CCDC91: variants seen among roughly 807,000 people sequenced by gnomAD.
CCDC91 encodes the protein coiled-coil domain-containing protein 91.
A neutral mutation model predicts 63.2 loss-of-function variants in CCDC91; 48 were observed. That is an observed-to-expected ratio of 0.76 (90% CI 0.60 to 0.97). The LOEUF (loss-of-function observed/expected upper bound fraction) is 0.97. Ranked by LOEUF, CCDC91 falls within the 50% of genes least tolerant of loss-of-function variation. The pLI, the probability that CCDC91 is intolerant of heterozygous loss-of-function variation, is 0.00. For synonymous variants in CCDC91, 167 were observed against 165.8 expected, an observed-to-expected ratio of 1.01 and a Z score of -0.06; for missense variants, 500 against 494.6, an observed-to-expected ratio of 1.01 and a Z score of -0.10.
intron 8 of CCDC91, among the ~76,000 whole-genome samples, chr12:28,434,412 T>G (rs1187006117): frequency 6.6e-6 from 1 of 151,634 alleles, no homozygotes; most frequent in East Asian, 1.9e-4. Flanking sequence ...ATTGATTACA[T>G]TAGTTGATTT....
At chr12:28,491,017 G>A (rs773069842) in intron 12 of CCDC91, among the ~76,000 whole-genome samples, 40 of 151,740 alleles carry the variant, frequency 2.6e-4, no homozygotes, top group East Asian at 1.2e-3. Context: ...TATAAAATAC[G>A]TTTTAACTTA....
chr12:28,386,360 A>C (rs1046543035), intron 7 of CCDC91, among the ~76,000 whole-genome samples: 11 of 152,208 alleles, frequency 7.2e-5, no homozygotes, highest in African/African-American at 2.6e-4. Context: ...TTAACACTTT[A>C]AAAATTATTC....
intron 1 of CCDC91, among the ~76,000 whole-genome samples, chr12:28,219,792 A>G (rs574697664): frequency 6.6e-6 from 1 of 152,038 alleles, no homozygotes; most frequent in Non-Finnish European, 1.5e-5. Context: ...ACCATTTTTA[A>G]GTGTACAGTT....
chr12:28,304,395 A>AAG (rs1565764774), intron 3 of CCDC91, among the ~76,000 whole-genome samples: 101 of 122,756 alleles, frequency 8.2e-4, no homozygotes, highest in African/African-American at 2.7e-3. Context: ...AAAAAAAAAA[A>AAG]AAAAAAGAAA....
In CCDC91 at chr12:28,481,000, A is replaced by G. The variant is rs573224872; in HGVS notation, c.1102-3052A>G. On this transcript the variant is annotated intron_variant, in intron 11 of 12. Coordinates refer to ENST00000536442, the MANE Select transcript of CCDC91 (RefSeq NM_018318.5). ...TAACATCTTATGTAAAATATCATAT[A>G]AGTTTTTAGCCCTGAATGACATTCA... 4.6e-4 allele frequency among the ~76,000 whole-genome samples: 70 copies of G among 152,118 alleles called. No individual in the cohort carries two copies. The South Asian group carries it at 0.014, about 31-fold the overall frequency.
chr12:28,374,560 A>G (rs951952740), intron 7 of CCDC91, among the ~76,000 whole-genome samples: 2 of 152,166 alleles, frequency 1.3e-5, no homozygotes, highest in African/African-American at 2.4e-5. Context: ...ACAATATCCT[A>G]AAGCACATTT....
intron 3 of CCDC91, among the ~76,000 whole-genome samples, chr12:28,296,419 GC>G (rs1439737742): frequency 4.0e-5 from 6 of 151,726 alleles, no homozygotes; most frequent in Admixed American, 6.6e-5. Context: ...TTTATAGTAT[GC>G]CAATAACTCT....
At chr12:28,506,627 TA>T (rs1476072672) in intron 12 of CCDC91, among the ~76,000 whole-genome samples, 5 of 151,964 alleles carry the variant, frequency 3.3e-5, no homozygotes, top group African/African-American at 1.2e-4. Flanking sequence ...TCATGTGCAT[TA>T]TCTCATTTAA....
intron 6 of CCDC91, among the ~76,000 whole-genome samples, chr12:28,356,499 G>A (rs575766237): frequency 1.3e-5 from 2 of 152,170 alleles, no homozygotes; most frequent in Admixed American, 1.3e-4. Context: ...TGGGTTGTAT[G>A]TTATCACACC....
intron 1 of CCDC91, among the ~76,000 whole-genome samples, chr12:28,215,727 CA>C (rs1034352475): frequency 6.6e-6 from 1 of 152,038 alleles, no homozygotes; most frequent in Non-Finnish European, 1.5e-5. Context: ...GAAAGCCAGA[CA>C]TAGACAGAAG....
At chr12:28,263,262 A>G (rs1275485718) in intron 3 of CCDC91, among the ~76,000 whole-genome samples, 1 of 152,058 alleles carries the variant, frequency 6.6e-6, no homozygotes, top group Admixed American at 6.6e-5. Flanking sequence ...AACACATAAA[A>G]CATAAAATTT....
chr12:28,498,046 G>T (rs1952404328), intron 12 of CCDC91, among the ~76,000 whole-genome samples: 1 of 151,584 alleles, frequency 6.6e-6, no homozygotes, highest in African/African-American at 2.4e-5. Flanking sequence ...TCTGCTCTTA[G>T]TTGGTTTTAC....
At chr12:28,361,147 T>G (rs1943850382) in intron 6 of CCDC91, among the ~76,000 whole-genome samples, 1 of 151,664 alleles carries the variant, frequency 6.6e-6, no homozygotes, top group Admixed American at 6.6e-5. Flanking sequence ...TCCACTTCAT[T>G]ATTTATCATC....
chr12:28,354,176 A>G (rs929110100), intron 6 of CCDC91, among the ~76,000 whole-genome samples: 2 of 152,180 alleles, frequency 1.3e-5, no homozygotes, highest in Non-Finnish European at 2.9e-5. Context: ...TTAAAAATCA[A>G]CATCTTGGCA....
At position 28,201,764 on chromosome 12, in the gene CCDC91, G is replaced by A. The variant is rs1051783163; in HGVS notation, c.-15+11123G>A. On this transcript the variant is annotated intron_variant, in intron 1 of 12. Transcript: ENST00000536442. ...TTGAGCACTGAGTGAACCAGACTCC[G>A]TCTGCAATCCCGGCACCCCAGGAGG... 1.2e-3 allele frequency among the ~76,000 whole-genome samples: 169 copies of A among 144,212 alleles called. 3 individuals are homozygous for A. The highest frequency in any genetic ancestry group is 3.8e-3 in the African/African-American group (150 of 39,676). 94.6% of individuals were successfully genotyped at this position (144,212 alleles called of 152,430 possible).
chr12:28,421,394 TG>T (rs1218153052), intron 8 of CCDC91, among the ~76,000 whole-genome samples: 1 of 152,038 alleles, frequency 6.6e-6, no homozygotes, highest in African/African-American at 2.4e-5. Flanking sequence ...TGGTGTCTAT[TG>T]TTCCCTTCTT....
chr12:28,429,381 T>C (rs1948507243), intron 8 of CCDC91, among the ~76,000 whole-genome samples: 1 of 152,166 alleles, frequency 6.6e-6, no homozygotes, highest in African/African-American at 2.4e-5. Context: ...AATGATATTA[T>C]GAAGTTAATT....
chr12:28,544,298 C>CAGCT (rs2141847392), intron 12 of CCDC91, among the ~76,000 whole-genome samples: 1 of 151,784 alleles, frequency 6.6e-6, no homozygotes, highest in Non-Finnish European at 1.5e-5. Flanking sequence ...CTTGTGTTTC[C>CAGCT]AGCTACCTTG....
intron 6 of CCDC91, among the ~76,000 whole-genome samples, chr12:28,342,332 T>C (rs1315480466): frequency 2.0e-5 from 3 of 152,104 alleles, no homozygotes; most frequent in Non-Finnish European, 4.4e-5. Flanking sequence ...AATAAATGTG[T>C]GTTGTTTTAA....
Sources: gnomAD v4.1 joint callset for allele counts (sites outside exome capture counted in the v4.1 genomes callset) on GRCh38, gnomAD v4.1.1 for gene constraint, MANE v1.5 for transcripts, NCBI Gene and HGNC (gene_info 2026-07-23, HGNC 2026-07-21) for gene names.